ADGRB1: variants seen among roughly 807,000 people sequenced by gnomAD.
ADGRB1 encodes the protein brain-specific angiogenesis inhibitor 1.
In ADGRB1, 36 loss-of-function variants were observed where a neutral mutation model predicts 175.7. The observed-to-expected ratio is 0.20, with a 90% confidence interval of 0.16 to 0.27. ADGRB1 has a LOEUF of 0.27. Ranked by LOEUF, ADGRB1 falls within the 10% of genes least tolerant of loss-of-function variation. The pLI is 1.00. For missense variants in ADGRB1, 1,731 were observed against 2,255.3 expected (o/e 0.77, Z 4.71); for synonymous variants, 1,054 against 979.4 (o/e 1.08, Z -1.42).
Position 142,515,952 on chromosome 8 carries a change from G to A in ADGRB1, c.2818-2186G>A, listed in dbSNP as rs546813015. 5.2e-4 allele frequency among the ~76,000 whole-genome samples: 79 copies of A among 152,354 alleles called. 1 individual carries two copies. The South Asian group carries it at 6.2e-3, about 12-fold the overall frequency. ...AACAGAGGTGAGCAGCGCTACCTGG[G>A]GTAGTTCGAGGGGCCTGTGTGGAGG... On this transcript the variant is annotated intron_variant, in intron 18 of 30. Coordinates refer to ENST00000517894, the MANE Select transcript of ADGRB1 (RefSeq NM_001702.3).
At position 142,542,791 on chromosome 8, in the gene ADGRB1, G is replaced by A. The variant is rs988190074; in HGVS notation, c.4413+144G>A. 4.0e-6 allele frequency: 3 copies of A among 756,502 alleles called. No homozygotes were observed. The highest frequency in any genetic ancestry group is 6.1e-6 in the Non-Finnish European group (3 of 493,022). 46.9% of individuals were successfully genotyped at this position (756,502 alleles called of 1,614,324 possible). A position where few individuals can be genotyped will look rare whatever the true frequency, so the allele number is the denominator to read the frequency against. On this transcript the variant is annotated intron_variant, in intron 28 of 30. Coordinates refer to ENST00000517894, the MANE Select transcript of ADGRB1 (RefSeq NM_001702.3). This position sits in a 1 kb window ranked among gnomAD's most constrained non-coding sequence, Gnocchi z 6.3. ...AGCTACACCCCCCACCCCTGGCCCT[G>A]CTGGGTGTGCTGTGTATGTCTGACG...
chr8:142,490,973 G>C (rs924597675), intron 17 of ADGRB1, among the ~76,000 whole-genome samples, 158 bp downstream of exon 17: 5 of 152,180 alleles, frequency 3.3e-5, no homozygotes, highest in Admixed American at 2.6e-4. Flanking sequence ...GTCACTCACT[G>C]TCTGGCTCTG....
chr8:142,531,116 G>A (rs1391801254), intron 24 of ADGRB1, among the ~76,000 whole-genome samples: 1 of 152,228 alleles, frequency 6.6e-6, no homozygotes, highest in African/African-American at 2.4e-5. Flanking sequence ...TCCATGGGGA[G>A]GGAAGCCTTG....
intron 13 of ADGRB1, 129 bp downstream of exon 13, chr8:142,484,893 G>A (rs1002851654): frequency 4.4e-5 from 30 of 688,710 alleles, no homozygotes; most frequent in Admixed American, 1.3e-4. Context: ...CCTCCCAGCC[G>A]ATTTCTCAGA....
intron 23 of ADGRB1, 39 bp from the exon 24 acceptor site, chr8:142,526,503 G>GGCCCCCCCCCCCCCC: frequency 4.4e-5 from 56 of 1,258,888 alleles, no homozygotes; most frequent in Middle Eastern, 2.0e-4. Context: ...GCCTACGGCG[G>GGCCCCCCCCCCCCCC]CCCCCACCCC....
intron 2 of ADGRB1, among the ~76,000 whole-genome samples, chr8:142,466,149 C>T (rs1840264343): frequency 6.6e-6 from 1 of 152,116 alleles, no homozygotes; most frequent in African/African-American, 2.4e-5. Flanking sequence ...CAATGCCAGG[C>T]AGGGGCTGAC....
Position 142,490,796 on chromosome 8 carries a change from C to T in ADGRB1, c.2656C>T (p.Leu886=), listed in dbSNP as rs377366768. The T allele has an allele frequency of 1.9e-6, 3 of 1,585,014 alleles. No homozygotes were observed. The part of the protein sequence containing the change: ...YNGTTNQTCI[L]WDETDVPSSS... ...GGGCACCACCAACCAGACCTGTATC[C>T]TGTGGGATGAGACGGATGTGTAAGT... is the stretch of plus-strand genomic sequence containing the variant. Residue 886 remains leucine, a synonymous_variant, in exon 17 of 31, where the codon CTG becomes TTG. Coordinates refer to ENST00000517894, the MANE Select transcript of ADGRB1 (RefSeq NM_001702.3).
At position 142,511,370 on chromosome 8, in the gene ADGRB1, G is replaced by A. The variant is rs886321745; in HGVS notation, c.2817+297G>A. 2.0e-5 allele frequency among the ~76,000 whole-genome samples: 3 copies of A among 152,078 alleles called. No homozygotes were observed. The highest frequency in any genetic ancestry group is 2.9e-5 in the Non-Finnish European group (2 of 67,992). On this transcript the variant is annotated intron_variant, in intron 18 of 30. Coordinates refer to ENST00000517894, the MANE Select transcript of ADGRB1 (RefSeq NM_001702.3). This position sits in a 1 kb window ranked among gnomAD's most constrained non-coding sequence, Gnocchi z 4.5. ...CTGGCCTTGGAGGCCCGGGATCTCC[G>A]AGGGAGCCTGGGCCTGGGGAGAGGC...
At chr8:142,531,034 T>G (rs1265500082) in intron 24 of ADGRB1, among the ~76,000 whole-genome samples, 1 of 152,202 alleles carries the variant, frequency 6.6e-6, no homozygotes, top group Admixed American at 6.5e-5. Flanking sequence ...ATGTCAGGCC[T>G]GGAGACCCAG....
At position 142,529,042 on chromosome 8, in the gene ADGRB1, G is replaced by A. The variant is rs143667760; in HGVS notation, c.3398+2415G>A. ...CCCCCACCCCTGGTGCTGCTGGCAC[G>A]GAGCCCAGGATGGCTGATGCCTGGG... On this transcript the variant is annotated intron_variant, in intron 24 of 30. Transcript: ENST00000517894. Among the ~76,000 whole-genome samples the A allele has an allele frequency of 2.8e-3, 434 of 152,356 alleles. 1 individual carries two copies. The highest frequency in any genetic ancestry group is 9.1e-3 in the African/African-American group (379 of 41,578).
chr8:142,454,546 G>C (rs1166967939), intron 1 of ADGRB1, among the ~76,000 whole-genome samples: 1 of 152,198 alleles, frequency 6.6e-6, no homozygotes, highest in Admixed American at 6.5e-5. Flanking sequence ...AGAAGACACA[G>C]CCTGGATGTT....
At chr8:142,519,308 G>A (rs1308429730) in intron 19 of ADGRB1, among the ~76,000 whole-genome samples, 1 of 152,180 alleles carries the variant, frequency 6.6e-6, no homozygotes. Flanking sequence ...GCTGCCGGCA[G>A]GGACTGTTCT....
chr8:142,490,764 T>A lies in ADGRB1; in HGVS notation c.2632-8T>A. 3.2e-6 allele frequency: 5 copies of A among 1,575,474 alleles called. No individual in the cohort carries two copies. Among genetic ancestry groups the A allele is most frequent in the Non-Finnish European group, 4.3e-6 (5 of 1,160,600 alleles). On this transcript the variant is annotated splice_region_variant and splice_polypyrimidine_tract_variant and intron_variant, in intron 16 of 30. Coordinates refer to ENST00000517894, the MANE Select transcript of ADGRB1 (RefSeq NM_001702.3). ...CAGGGGCCCTGACTCCTCTCCCCTC[T>A]CTCCCAGGGCACCACCAACCAGACC...
chr8:142,543,459 C>T lies in ADGRB1; in HGVS notation c.4449+21C>T, dbSNP rs373940748. ...TTGAGGTGAGTTCTGGTGTCCCCCC[C>T]CACCAGACACTTAGGGCCAGATGTG... On this transcript the variant is annotated intron_variant, in intron 29 of 30. Transcript: ENST00000517894. The surrounding 1 kb of genome is among the most constrained non-coding windows in gnomAD (Gnocchi z 4.4). The T allele has an allele frequency of 6.2e-7, 1 of 1,613,500 alleles. No homozygotes were observed.
chr8:142,473,655 G>C (rs1184115436), intron 2 of ADGRB1, among the ~76,000 whole-genome samples: 1 of 152,262 alleles, frequency 6.6e-6, no homozygotes, highest in Non-Finnish European at 1.5e-5. Context: ...CTCAACTGCT[G>C]TGCACCCTCA....
intron 2 of ADGRB1, among the ~76,000 whole-genome samples, chr8:142,472,054 T>C (rs901005033): frequency 6.6e-6 from 1 of 152,200 alleles, no homozygotes. Context: ...CCAGCCCCGG[T>C]GCTGCCCGAC....
At position 142,492,340 on chromosome 8, in the gene ADGRB1, C is replaced by T. The variant is rs1842020612; in HGVS notation, c.2675+1525C>T. Among the ~76,000 whole-genome samples, 2 of 152,162 alleles carry T rather than the reference C, an allele frequency of 1.3e-5. No individual in the cohort carries two copies. The highest frequency in any genetic ancestry group is 4.1e-4 in the South Asian group (2 of 4,830). ...GGCAGGTCCCAGCCTTTAGCCTCCTCTCCCCAGTGAGGAGGGATGGGGAAC... is the reference window on the plus strand; with the variant it reads ...GGCAGGTCCCAGCCTTTAGCCTCCTTTCCCCAGTGAGGAGGGATGGGGAAC... On this transcript the variant is annotated intron_variant, in intron 17 of 30. Transcript: ENST00000517894. This position sits in a 1 kb window ranked among gnomAD's most constrained non-coding sequence, Gnocchi z 4.4.
chr8:142,517,215 CG>C (rs915531068), intron 18 of ADGRB1, among the ~76,000 whole-genome samples: 13 of 152,068 alleles, frequency 8.5e-5, no homozygotes, highest in African/African-American at 3.1e-4. Context: ...TTTGCAGAGC[CG>C]GGTGGGACAT....
At position 142,542,057 on chromosome 8, in the gene ADGRB1, A is replaced by G. The variant is rs1414693590; in HGVS notation, c.3823A>G (p.Asn1275Asp). The change falls in exon 28 of 31, where the codon AAT becomes GAT. Residue 1275 changes from asparagine (N) to aspartate (D), a missense_variant. Asn to Asp is a conservative substitution (Grantham distance 23). This residue lies in a region of ADGRB1 where 301 missense variants were observed against 488.4 expected (regional missense o/e 0.62). Transcript: ENST00000517894. The surrounding 1 kb of genome is among the most constrained non-coding windows in gnomAD (Gnocchi z 6.3). ...KLAHAKGPPT[N>D]FNSLPANVSK... ...GGCCCATGCCAAGGGGCCGCCCACCAATTTCAACAGCCTGCCGGCCAACGT... is the reference window on the plus strand; with the variant it reads ...GGCCCATGCCAAGGGGCCGCCCACCGATTTCAACAGCCTGCCGGCCAACGT... 1 of 1,612,774 alleles carries G rather than the reference A, an allele frequency of 6.2e-7. No homozygotes were observed. The highest frequency in any genetic ancestry group is 1.1e-5 in the South Asian group (1 of 91,062).
Sources: allele counts gnomAD v4.1 joint callset (sites outside exome capture counted in the v4.1 genomes callset), GRCh38; gene constraint gnomAD v4.1.1; regional missense constraint gnomAD v4.1.1; non-coding constraint Gnocchi (gnomAD v3.1); transcripts MANE v1.5; gene names NCBI Gene and HGNC (gene_info 2026-07-23, HGNC 2026-07-21).